OPN4: variants seen among roughly 807,000 people sequenced by gnomAD.
OPN4 encodes opsin 4, also known as melanopsin.
A neutral mutation model predicts 49.5 loss-of-function variants in OPN4; 43 were observed. The observed-to-expected ratio is 0.87, with a 90% confidence interval of 0.68 to 1.12. The LOEUF (loss-of-function observed/expected upper bound fraction) is 1.12. OPN4 is among the 50% of genes most tolerant of loss of function. OPN4 has a pLI of 0.00. For missense variants in OPN4, 657 were observed against 643.9 expected (o/e 1.02, Z -0.22); for synonymous variants, 263 against 258.0 (o/e 1.02, Z -0.19).
In OPN4 at chr10:86,660,038, T is replaced by C. The variant is rs564976474; in HGVS notation, c.944T>C (p.Val315Ala). The C allele has an allele frequency of 6.2e-7, 1 of 1,614,180 alleles. No homozygotes were observed. The highest frequency in any genetic ancestry group is 1.1e-5 in the South Asian group (1 of 91,082). The change falls in exon 6 of 10, where the codon GTG becomes GCG. Residue 315 changes from valine (V) to alanine (A), a missense_variant. By Grantham distance (64) the Val-to-Ala change is moderately conservative. Transcript: ENST00000241891. ...CTCTCCTGGGCTCCCTATTCCGCTG[T>C]GGCCCTGGTGGCCTTTGCTGGGTAA... ...FVLSWAPYSA[V>A]ALVAFAGYAH...
chr10:86,657,336 A>G (rs985917275), intron 2 of OPN4: 23 of 735,022 alleles, frequency 3.1e-5, no homozygotes, highest in Admixed American at 1.6e-4. Flanking sequence ...AATGGGGACA[A>G]TGACGCCTCC....
In OPN4 at chr10:86,658,630, C is replaced by T. The variant is rs1843928847; in HGVS notation, c.571C>T (p.Leu191=). The T allele has an allele frequency of 3.7e-6, 6 of 1,614,100 alleles. No individual in the cohort carries two copies. In the East Asian group the frequency reaches 1.3e-4, roughly 36 times the overall value. ...GTCCAAGAGGCGTGCGGCATTTGTC[C>T]TGCTGGGCGTTTGGCTCTATGCCCT... ...VASKRRAAFV[L]LGVWLYALAW... Residue 191 remains leucine, a synonymous_variant, in exon 4 of 10, where the codon CTG becomes TTG. Transcript: ENST00000241891.
intron 6 of OPN4, 99 bp from the exon 7 acceptor site, chr10:86,661,182 G>T: frequency 1.1e-6 from 1 of 925,434 alleles, no homozygotes; most frequent in Non-Finnish European, 1.8e-6. Context: ...GTGCTGGTTT[G>T]GGCTGGATTA....
Position 86,659,461 on chromosome 10 carries a change from A to G in OPN4, c.793A>G (p.Thr265Ala). 3 of 1,613,766 alleles carry G rather than the reference A, an allele frequency of 1.9e-6. No individual in the cohort carries two copies. The highest frequency in any genetic ancestry group is 2.5e-6 in the Non-Finnish European group (3 of 1,179,968). ...YIFIFRAIRE[T>A]GRALQTFGAC... ...CTTCATCTTCAGGGCCATCCGGGAGACAGGACGGTAAGAGCCGAGCATGGA... is the reference window on the plus strand; with the variant it reads ...CTTCATCTTCAGGGCCATCCGGGAGGCAGGACGGTAAGAGCCGAGCATGGA... Residue 265 changes from threonine (T) to alanine (A), a missense_variant, in exon 5 of 10, where the codon ACA (threonine) becomes GCA (alanine). Transcript: ENST00000241891.
Position 86,654,767 on chromosome 10 carries a change from G to A in OPN4, c.-17G>A. 1 of 1,605,210 alleles carries A rather than the reference G, an allele frequency of 6.2e-7. No individual in the cohort carries two copies. ...TGACTTCTCTGTGGGCTCGAGCAAG[G>A]ACCATCCCAACTCAGGATGAACCCT... On this transcript the variant is annotated 5_prime_UTR_variant, in exon 1 of 10. Coordinates refer to ENST00000241891, the MANE Select transcript of OPN4 (RefSeq NM_033282.4).
intron 8 of OPN4, 55 bp from the exon 9 acceptor site, chr10:86,663,604 A>G: frequency 6.9e-7 from 1 of 1,440,174 alleles, no homozygotes; most frequent in East Asian, 2.5e-5. Flanking sequence ...TAAGGGCAGG[A>G]GCAAAGCTAC....
chr10:86,662,399 G>A lies in OPN4; in HGVS notation c.1221G>A (p.Arg407=). 1 of 1,561,664 alleles carries A rather than the reference G, an allele frequency of 6.4e-7. No individual in the cohort carries two copies. Among genetic ancestry groups the A allele is most frequent in the Non-Finnish European group, 8.7e-7 (1 of 1,154,236 alleles). The stretch of plus-strand genomic sequence containing the variant: ...ACCTCAGCTGGATCTCCATACGGAG[G>A]CGCCAGGAGTCCCTGGGCTCGGAGA... ...TSNLSWISIR[R]RQESLGSESE... Residue 407 remains arginine (R), a synonymous_variant, in exon 8 of 10, where the codon AGG becomes AGA. Coordinates refer to ENST00000241891, the MANE Select transcript of OPN4 (RefSeq NM_033282.4).
At chr10:86,656,447 T>G in intron 2 of OPN4, 147 bp downstream of exon 2, 1 of 1,068,768 alleles carries the variant, frequency 9.4e-7, no homozygotes, top group Non-Finnish European at 1.3e-6. Context: ...CCTTCGATGA[T>G]CTCAGGCCCA....
chr10:86,661,415 C>T, intron 7 of OPN4, 27 bp downstream of exon 7: 5 of 1,570,714 alleles, frequency 3.2e-6, no homozygotes, highest in Non-Finnish European at 4.4e-6. Context: ...GAACCCCACA[C>T]CTTGGCCTCC....
intron 8 of OPN4, among the ~76,000 whole-genome samples, chr10:86,663,293 G>A (rs902185534): frequency 1.3e-5 from 2 of 152,216 alleles, no homozygotes; most frequent in African/African-American, 4.8e-5. Context: ...GACTGAGAGA[G>A]GAGCTGTCAG....
chr10:86,662,401 G>T lies in OPN4; in HGVS notation c.1223G>T (p.Arg408Leu), dbSNP rs775728827. 1.3e-6 allele frequency: 2 copies of T among 1,560,408 alleles called. No homozygotes were observed. The highest frequency in any genetic ancestry group is 2.4e-5 in the South Asian group (2 of 84,730). ...CTCAGCTGGATCTCCATACGGAGGC[G>T]CCAGGAGTCCCTGGGCTCGGAGAGT... ...SNLSWISIRR[R>L]QESLGSESEV... The change falls in exon 8 of 10, where the codon CGC (arginine) becomes CTC (leucine). Residue 408 changes from arginine to leucine, a missense_variant. Arg to Leu is a moderately radical substitution (Grantham distance 102). Coordinates refer to ENST00000241891, the MANE Select transcript of OPN4 (RefSeq NM_033282.4).
At chr10:86,655,075 C>A in intron 1 of OPN4, 148 bp downstream of exon 1, 1 of 769,302 alleles carries the variant, frequency 1.3e-6, no homozygotes, top group Non-Finnish European at 2.0e-6. Flanking sequence ...CCTCTCTGAG[C>A]CCGCCCCTGA....
chr10:86,659,794 C>A, intron 5 of OPN4, 101 bp from the exon 6 acceptor site: 1 of 1,250,676 alleles, frequency 8.0e-7, no homozygotes, highest in Non-Finnish European at 1.1e-6. Context: ...CTCACGAGTG[C>A]CCTGCAAGGA....
chr10:86,660,912 A>G (rs904199118), intron 6 of OPN4, among the ~76,000 whole-genome samples: 1 of 152,204 alleles, frequency 6.6e-6, no homozygotes, highest in Admixed American at 6.5e-5. Context: ...GGATTACCTG[A>G]GGTCAGGAGT....
chr10:86,658,167 T>C lies in OPN4; in HGVS notation c.424+2T>C, dbSNP rs767191686. 1 of 1,613,108 alleles carries C rather than the reference T, an allele frequency of 6.2e-7. No individual in the cohort carries two copies. Among genetic ancestry groups the C allele is most frequent in the Non-Finnish European group, 8.5e-7 (1 of 1,179,826 alleles). The stretch of plus-strand genomic sequence containing the variant: ...AGCAGTGGCTCTTTGGGGAGACAGG[T>C]AGATGCTGGGGCTCCCTTTTGCTGG... On this transcript the variant is annotated splice_donor_variant, in intron 3 of 9. Transcript: ENST00000241891. LOFTEE classifies it high-confidence loss of function.
Position 86,658,646 on chromosome 10 carries a change from T to A in OPN4, c.587T>A (p.Leu196His). The A allele has an allele frequency of 6.2e-7, 1 of 1,613,870 alleles. No individual in the cohort carries two copies. Among genetic ancestry groups the A allele is most frequent in the East Asian group, 2.2e-5 (1 of 44,878 alleles). ...GCATTTGTCCTGCTGGGCGTTTGGCTCTATGCCCTGGCCTGGAGTCTGCCA... is the reference window on the plus strand; with the variant it reads ...GCATTTGTCCTGCTGGGCGTTTGGCACTATGCCCTGGCCTGGAGTCTGCCA... Reference protein sequence around the residue: ...RAAFVLLGVWLYALAWSLPPF... With the variant: ...RAAFVLLGVWHYALAWSLPPF... The change falls in exon 4 of 10, where the codon CTC becomes CAC. Residue 196 changes from leucine (L) to histidine (H), a missense_variant. Coordinates refer to ENST00000241891, the MANE Select transcript of OPN4 (RefSeq NM_033282.4).
rs10718951 is a variant in OPN4 at position 86,656,944 on chromosome 10, CAAA to C, written c.290+664_290+666del. Among the ~76,000 whole-genome samples the C allele has an allele frequency of 6.7e-4, 49 of 73,406 alleles. 1 individual carries two copies. Among genetic ancestry groups the C allele is most frequent in the South Asian group, 1.6e-3 (3 of 1,916 alleles). The allele number at this position is 73,406 out of a possible 152,430, so 48.2% of individuals were successfully genotyped here. On this transcript the variant is annotated intron_variant, in intron 2 of 9. Coordinates refer to ENST00000241891, the MANE Select transcript of OPN4 (RefSeq NM_033282.4). ...TGGGCAACAGAACAAGACTCCATCTCAAAAAAAAAAAAAAAAAAAAAAGAGCAG... is the reference window on the plus strand; with the variant it reads ...TGGGCAACAGAACAAGACTCCATCTCAAAAAAAAAAAAAAAAAAAGAGCAG...
intron 8 of OPN4, 45 bp from the exon 9 acceptor site, chr10:86,663,614 C>T (rs755898606): frequency 3.6e-5 from 53 of 1,456,510 alleles, no homozygotes; most frequent in Non-Finnish European, 4.4e-5. Flanking sequence ...AGCAAAGCTA[C>T]GGACTGTCCC....
At position 86,662,353 on chromosome 10, in the gene OPN4, C is replaced by T. The variant is rs776209626; in HGVS notation, c.1175C>T (p.Thr392Met). 49 of 1,593,384 alleles carry T rather than the reference C, an allele frequency of 3.1e-5. No individual in the cohort carries two copies. Among genetic ancestry groups the T allele is most frequent in the Admixed American group, 7.0e-5 (4 of 56,886 alleles). Residue 392 changes from threonine to methionine, a missense_variant, in exon 8 of 10, where the codon ACG becomes ATG. Coordinates refer to ENST00000241891, the MANE Select transcript of OPN4 (RefSeq NM_033282.4). Reference sequence around the variant, plus strand: ...AGCTACCGCTCCACCCACCGCTCCACGCTGACCAGCCACACCTCCAACCTC... The same window carrying T: ...AGCTACCGCTCCACCCACCGCTCCATGCTGACCAGCCACACCTCCAACCTC... ...YPSYRSTHRS[T>M]LTSHTSNLSW...
Sources: allele counts gnomAD v4.1 joint callset (sites outside exome capture counted in the v4.1 genomes callset), GRCh38; gene constraint gnomAD v4.1.1; transcripts MANE v1.5; gene names NCBI Gene and HGNC (gene_info 2026-07-23, HGNC 2026-07-21).